The following OPCML variants were observed in gnomAD, a reference collection of about 807,000 sequenced individuals.
OPCML encodes the protein opioid binding protein/cell adhesion molecule like, also known as opioid-binding protein/cell adhesion molecule.
A neutral mutation model predicts 37.8 loss-of-function variants in OPCML; 13 were observed. The ratio of observed to expected loss-of-function variants is 0.34; its 90% confidence interval spans 0.22 to 0.55. The LOEUF is 0.55. Among genes scored for constraint, OPCML ranks in the 20% least tolerant of loss-of-function variants. The pLI, the probability that OPCML is intolerant of heterozygous loss-of-function variation, is 0.91. For synonymous variants in OPCML, 176 were observed against 168.8 expected, an observed-to-expected ratio of 1.04 and a Z score of -0.33; for missense variants, 341 against 435.6, an observed-to-expected ratio of 0.78 and a Z score of 1.93.
intron 1 of OPCML, among the ~76,000 whole-genome samples, chr11:133,264,784 G>A (rs954491430): frequency 2.0e-5 from 3 of 151,848 alleles, no homozygotes; most frequent in Admixed American, 1.3e-4. Context: ...AAAAAAGTAC[G>A]TGGTTATACA....
intron 1 of OPCML, among the ~76,000 whole-genome samples, chr11:133,063,488 T>A (rs1462846283): frequency 6.6e-6 from 1 of 152,150 alleles, no homozygotes; most frequent in African/African-American, 2.4e-5. Flanking sequence ...AGGATGTGAA[T>A]GATGACTTTG....
In OPCML at chr11:132,674,301, T is replaced by C. The variant is rs576828305; in HGVS notation, c.147-16982A>G. On this transcript the variant is annotated intron_variant, in intron 2 of 7. Transcript: ENST00000524381. ...AGCTTTGCTGTGGGTGGAAGGGGCATCCAGGGAAAGGAAATCCAAAGCCTC... is the reference window on the plus strand; with the variant it reads ...AGCTTTGCTGTGGGTGGAAGGGGCACCCAGGGAAAGGAAATCCAAAGCCTC... Among the ~76,000 whole-genome samples, 43 of 152,238 alleles carry C rather than the reference T, an allele frequency of 2.8e-4. 1 individual carries two copies. The South Asian group carries it at 8.9e-3, about 32-fold the overall frequency.
chr11:133,024,979 A>T, intron 1 of OPCML: 2 of 985,432 alleles, frequency 2.0e-6, no homozygotes, highest in Non-Finnish European at 2.4e-6. Context: ...CTGCATTTTA[A>T]CACACTGCCC....
At chr11:132,491,412 C>T (rs981422388) in intron 4 of OPCML, among the ~76,000 whole-genome samples, 6 of 152,234 alleles carry the variant, frequency 3.9e-5, no homozygotes, top group Non-Finnish European at 7.3e-5. Flanking sequence ...TGCTCTTTCC[C>T]GAGAGTGCTC....
At chr11:133,229,915 T>A (rs1940204243) in intron 1 of OPCML, among the ~76,000 whole-genome samples, 1 of 152,238 alleles carries the variant, frequency 6.6e-6, no homozygotes, top group African/African-American at 2.4e-5. Flanking sequence ...ACATGTGGCG[T>A]GAATACATCA....
At chr11:133,334,186 T>C (rs1424848533) in intron 1 of OPCML, among the ~76,000 whole-genome samples, 1 of 152,120 alleles carries the variant, frequency 6.6e-6, no homozygotes, top group Non-Finnish European at 1.5e-5. Flanking sequence ...TAAAGACACA[T>C]GCACACAAAT....
intron 1 of OPCML, among the ~76,000 whole-genome samples, chr11:133,162,042 T>C (rs1329445568): frequency 6.6e-6 from 1 of 150,494 alleles, no homozygotes; most frequent in Non-Finnish European, 1.5e-5. Flanking sequence ...ATCTTTTGTA[T>C]TGACCACTTC....
intron 4 of OPCML, among the ~76,000 whole-genome samples, chr11:132,504,745 G>A (rs533110063): frequency 5.3e-5 from 8 of 152,264 alleles, no homozygotes; most frequent in South Asian, 2.1e-4. Flanking sequence ...CAGGGTAAGC[G>A]TGGCCTTTAT....
At chr11:132,787,657 G>T (rs567265816) in intron 2 of OPCML, among the ~76,000 whole-genome samples, 1 of 152,286 alleles carries the variant, frequency 6.6e-6, no homozygotes, top group Non-Finnish European at 1.5e-5. Context: ...GCTGACCAGA[G>T]AAGGTTGGTA....
intron 1 of OPCML, among the ~76,000 whole-genome samples, chr11:132,967,058 G>T (rs1293166096): frequency 2.6e-5 from 4 of 151,722 alleles, no homozygotes; most frequent in Non-Finnish European, 5.9e-5. Context: ...TTACTTTTTT[G>T]TTTACTACGT....
chr11:132,637,667 T>C (rs1940593107), intron 3 of OPCML, among the ~76,000 whole-genome samples: 1 of 152,188 alleles, frequency 6.6e-6, no homozygotes, highest in Non-Finnish European at 1.5e-5. Flanking sequence ...AGTTCTTAAA[T>C]ATTAGTTTAT....
Position 132,779,950 on chromosome 11 carries a change from T to G in OPCML, c.147-122631A>C, listed in dbSNP as rs180899953. Among the ~76,000 whole-genome samples, 685 of 152,346 alleles carry G rather than the reference T, an allele frequency of 4.5e-3. 3 individuals carry two copies. Among genetic ancestry groups the G allele is most frequent in the African/African-American group, 0.016 (654 of 41,576 alleles). On this transcript the variant is annotated intron_variant, in intron 2 of 7. Coordinates refer to ENST00000524381, the MANE Select transcript of OPCML (RefSeq NM_001012393.5). ...CTTTCCTTTCTTCTTTACTTATTTT[T>G]TTGTTGTTGTTGTTTAATTTCATAT...
chr11:133,216,087 C>T (rs1419788507), intron 1 of OPCML, among the ~76,000 whole-genome samples: 1 of 152,116 alleles, frequency 6.6e-6, no homozygotes, highest in African/African-American at 2.4e-5. Flanking sequence ...GTGTGGGTTT[C>T]AAGGTGCAAG....
At chr11:133,357,964 C>T (rs1944327514) in intron 1 of OPCML, among the ~76,000 whole-genome samples, 2 of 152,152 alleles carry the variant, frequency 1.3e-5, no homozygotes, top group Non-Finnish European at 1.5e-5. Context: ...CCCATGACTT[C>T]CCTTCCTCAG....
intron 1 of OPCML, among the ~76,000 whole-genome samples, chr11:133,157,314 G>T (rs544198794): frequency 4.6e-5 from 7 of 152,172 alleles, no homozygotes; most frequent in Non-Finnish European, 8.8e-5. Context: ...GAAGCATCTC[G>T]CTGTTCATCA....
At chr11:133,192,646 C>T (rs1938370444) in intron 1 of OPCML, among the ~76,000 whole-genome samples, 1 of 152,160 alleles carries the variant, frequency 6.6e-6, no homozygotes, top group Admixed American at 6.5e-5. Context: ...TAATTGCGGG[C>T]AAGTCACTTA....
intron 2 of OPCML, among the ~76,000 whole-genome samples, chr11:132,713,884 A>T (rs1193241781): frequency 6.6e-6 from 1 of 152,242 alleles, no homozygotes; most frequent in East Asian, 1.9e-4. Flanking sequence ...TCCTATGAAA[A>T]TGATCCCCTT....
chr11:132,825,870 G>C (rs1940292929), intron 2 of OPCML, among the ~76,000 whole-genome samples: 1 of 152,176 alleles, frequency 6.6e-6, no homozygotes, highest in Non-Finnish European at 1.5e-5. Context: ...CTGGGCCGAT[G>C]GGGTCACTGC....
In OPCML at chr11:133,140,903, ACGAC is replaced by A. The variant is rs1949789350; in HGVS notation, c.62-197897_62-197894del. Among the ~76,000 whole-genome samples, 2 of 24,030 alleles carry A rather than the reference ACGAC, an allele frequency of 8.3e-5. 1 individual carries two copies. The highest frequency in any genetic ancestry group is 1.4e-4 in the African/African-American group (2 of 14,258). The allele number at this position is 24,030 out of a possible 152,430, so 15.8% of individuals were successfully genotyped here. On this transcript the variant is annotated intron_variant, in intron 1 of 7. Transcript: ENST00000524381. ...GACGACGACGACGACGAAGACGACG[ACGAC>A]GAAGAAGAAGAAGACGACGACGACG...
Sources: gnomAD v4.1 joint callset for allele counts (sites outside exome capture counted in the v4.1 genomes callset) on GRCh38, gnomAD v4.1.1 for gene constraint, MANE v1.5 for transcripts, NCBI Gene and HGNC (gene_info 2026-07-23, HGNC 2026-07-21) for gene names.